CNTLN: variants seen among roughly 807,000 people sequenced by gnomAD.
CNTLN encodes the protein centlein, centrosomal protein.
CNTLN carries 212 observed loss-of-function variants against 180.0 expected under a neutral mutation model. The observed-to-expected ratio is 1.18, with a 90% CI of 1.05 to 1.32. CNTLN has a LOEUF of 1.32. Ranked by LOEUF, CNTLN falls within the 40% of genes most tolerant of loss-of-function variation. The pLI is 0.00. For synonymous variants in CNTLN, 722 were observed against 563.1 expected, an observed-to-expected ratio of 1.28 and a Z score of -3.99; for missense variants, 2,095 against 1,610.9, an observed-to-expected ratio of 1.30 and a Z score of -5.14.
chr9:17,249,053 C>T (rs1825969966), intron 5 of CNTLN, among the ~76,000 whole-genome samples: 1 of 151,938 alleles, frequency 6.6e-6, no homozygotes, highest in African/African-American at 2.4e-5. Flanking sequence ...TCCATCCCTT[C>T]TCCTTTTAAA....
chr9:17,514,779 G>T, the CNTLN span, among the ~76,000 whole-genome samples: 1 of 152,130 alleles, frequency 6.6e-6, no homozygotes, highest in South Asian at 2.1e-4. Flanking sequence ...CTGAGATTTT[G>T]TAGTTGTTTG....
At chr9:17,516,876 C>A in the CNTLN span, among the ~76,000 whole-genome samples, 2 of 152,130 alleles carry the variant, frequency 1.3e-5, no homozygotes, top group African/African-American at 4.8e-5. Flanking sequence ...AGATGTAATC[C>A]TAGTGCCTAT....
the CNTLN span, among the ~76,000 whole-genome samples, chr9:17,512,500 G>A: frequency 6.6e-6 from 1 of 152,026 alleles, no homozygotes; most frequent in Non-Finnish European, 1.5e-5. Context: ...GGAAACAGTC[G>A]ACTACAAAAT....
intron 8 of CNTLN, among the ~76,000 whole-genome samples, chr9:17,312,348 T>TATATATATATATATATATATATATATATA: frequency 6.8e-5 from 1 of 14,614 alleles, no homozygotes; most frequent in African/African-American, 1.5e-4. Flanking sequence ...TGTATTTATA[T>TATATATATATATATATATATATATATATA]ATATATATAT....
rs1191201379 is a variant in CNTLN at position 17,502,811 on chromosome 9, G to A, written c.*159G>A. ...CTGAAAATAATTAATTGCTGAACAA[G>A]TGAAACTAATTAAGTACATAGCCAT... On this transcript the variant is annotated 3_prime_UTR_variant, in exon 26 of 26. Transcript: ENST00000380647. 1 of 393,124 alleles carries A rather than the reference G, an allele frequency of 2.5e-6. No individual in the cohort carries two copies. 24.4% of individuals were successfully genotyped at this position (393,124 alleles called of 1,614,324 possible). A position where few individuals can be genotyped will look rare whatever the true frequency, so the allele number is the denominator to read the frequency against.
At chr9:17,306,003 CAT>C (rs1273128919) in intron 7 of CNTLN, among the ~76,000 whole-genome samples, 9 of 152,254 alleles carry the variant, frequency 5.9e-5, no homozygotes, top group African/African-American at 4.8e-5. Flanking sequence ...CAGTGCAAGA[CAT>C]AGAGTTTTTC....
intron 2 of CNTLN, among the ~76,000 whole-genome samples, chr9:17,207,052 G>A (rs1337132142): frequency 3.3e-5 from 5 of 151,856 alleles, no homozygotes; most frequent in East Asian, 1.9e-4. Context: ...TGGTGAATCC[G>A]CCACAGTCTG....
At chr9:17,291,452 AG>A (rs532966079) in intron 6 of CNTLN, among the ~76,000 whole-genome samples, 466 of 152,230 alleles carry the variant, frequency 3.1e-3, no homozygotes, top group Admixed American at 7.5e-3. Context: ...GTGTCTTTGT[AG>A]GTCTCTAAGA....
intron 7 of CNTLN, chr9:17,301,448 A>G: frequency 1.0e-6 from 1 of 985,346 alleles, no homozygotes; most frequent in Non-Finnish European, 1.2e-6. Context: ...TAACCTAATA[A>G]TTGGCTTACT....
chr9:17,395,367 G>A (rs1260030284), intron 15 of CNTLN, among the ~76,000 whole-genome samples: 2 of 152,126 alleles, frequency 1.3e-5, no homozygotes, highest in Non-Finnish European at 2.9e-5. Context: ...TGACAGTTTG[G>A]CAGGTTGATT....
chr9:17,329,258 T>C (rs1414609633), intron 8 of CNTLN, among the ~76,000 whole-genome samples: 2 of 152,090 alleles, frequency 1.3e-5, no homozygotes, highest in Non-Finnish European at 2.9e-5. Flanking sequence ...CAGGTAGCCT[T>C]TGAAATAGTT....
At chr9:17,523,393 C>T in the CNTLN span, among the ~76,000 whole-genome samples, 2 of 152,020 alleles carry the variant, frequency 1.3e-5, no homozygotes, top group African/African-American at 2.4e-5. Flanking sequence ...TCCACCACCA[C>T]ACCTGTCTAA....
chr9:17,210,228 G>A (rs746718518), intron 2 of CNTLN, among the ~76,000 whole-genome samples: 13 of 151,916 alleles, frequency 8.6e-5, no homozygotes, highest in Admixed American at 1.3e-4. Context: ...CCTACCCCAC[G>A]ACAGGCCCCG....
At chr9:17,347,687 A>AAAT (rs1822015579) in intron 12 of CNTLN, among the ~76,000 whole-genome samples, 1 of 150,974 alleles carries the variant, frequency 6.6e-6, no homozygotes, top group Non-Finnish European at 1.5e-5. Context: ...AAAAAAAAAA[A>AAAT]GAAAAAGGAA....
intron 2 of CNTLN, among the ~76,000 whole-genome samples, chr9:17,194,806 G>A (rs1018435307): frequency 5.3e-5 from 8 of 152,132 alleles, no homozygotes; most frequent in African/African-American, 1.9e-4. Context: ...TCTGAGACTG[G>A]GAAGAAAAAG....
chr9:17,241,973 A>G (rs1373500271), intron 5 of CNTLN, among the ~76,000 whole-genome samples: 1 of 152,206 alleles, frequency 6.6e-6, no homozygotes, highest in Non-Finnish European at 1.5e-5. Flanking sequence ...TTTTCCAAAT[A>G]TAAGATTATA....
chr9:17,142,372 G>C (rs1354442033), intron 1 of CNTLN, among the ~76,000 whole-genome samples: 1 of 152,116 alleles, frequency 6.6e-6, no homozygotes, highest in Non-Finnish European at 1.5e-5. Flanking sequence ...CACTGTTTTA[G>C]ATCTTTGAAT....
At chr9:17,371,409 A>G (rs1162718898) in intron 13 of CNTLN, among the ~76,000 whole-genome samples, 1 of 152,170 alleles carries the variant, frequency 6.6e-6, no homozygotes, top group Admixed American at 6.5e-5. Flanking sequence ...CAATTTAGTA[A>G]GAGGATATCA....
At chr9:17,420,000 C>A (rs1319923307) in intron 18 of CNTLN, among the ~76,000 whole-genome samples, 1 of 152,116 alleles carries the variant, frequency 6.6e-6, no homozygotes, top group Non-Finnish European at 1.5e-5. Context: ...CTGCAAGCTC[C>A]GCCTCCCAGG....
Sources: gnomAD v4.1 joint callset for allele counts (sites outside exome capture counted in the v4.1 genomes callset) on GRCh38, gnomAD v4.1.1 for gene constraint, MANE v1.5 for transcripts, NCBI Gene and HGNC (gene_info 2026-07-23, HGNC 2026-07-21) for gene names.